CRACD: variants seen among roughly 807,000 people sequenced by gnomAD.
CRACD encodes capping protein-inhibiting regulator of actin dynamics.
A neutral mutation model predicts 106.8 loss-of-function variants in CRACD; 56 were observed. The observed-to-expected ratio is 0.52, with a 90% CI of 0.42 to 0.66. CRACD has a LOEUF of 0.66. Ranked by LOEUF, CRACD falls within the 30% of genes least tolerant of loss-of-function variation. The pLI, the probability that CRACD is intolerant of heterozygous loss-of-function variation, is 0.00. For synonymous variants in CRACD, 754 were observed against 670.8 expected, an observed-to-expected ratio of 1.12 and a Z score of -1.92; for missense variants, 1,730 against 1,623.2, an observed-to-expected ratio of 1.07 and a Z score of -1.13.
At chr4:56,133,922 C>T (rs183223531) in intron 1 of CRACD, among the ~76,000 whole-genome samples, 443 of 152,180 alleles carry the variant, frequency 2.9e-3, no homozygotes, top group Non-Finnish European at 4.4e-3. Flanking sequence ...ATCAGCTTGG[C>T]GGGGCGGGGT....
chr4:56,068,171 A>G (rs764389752), intron 1 of CRACD, among the ~76,000 whole-genome samples: 3 of 152,176 alleles, frequency 2.0e-5, no homozygotes, highest in Non-Finnish European at 4.4e-5. Flanking sequence ...GGTCAGGAAC[A>G]GCGTCTCTGA....
rs190985563 is a variant in CRACD at position 56,155,707 on chromosome 4, T to C, written c.-335-23577T>C. Among the ~76,000 whole-genome samples the C allele has an allele frequency of 4.9e-3, 745 of 152,292 alleles. 4 individuals are homozygous for C. The highest frequency in any genetic ancestry group is 0.024 in the Middle Eastern group (7 of 294). On this transcript the variant is annotated intron_variant, in intron 1 of 10. Transcript: ENST00000682029. ...TGCAAGAATGAGCACAAGTTTTCGG[T>C]TGAAACATTTGTGTGCATGCTTTCT...
rs73163626 is a variant in CRACD at position 56,283,620 on chromosome 4, A to G, written c.-17+11128A>G. On this transcript the variant is annotated intron_variant, in intron 3 of 10. Coordinates refer to ENST00000682029, the MANE Select transcript of CRACD (RefSeq NM_001393381.1). ...GGTGAGTCAAAGATGTAGGGAACAC[A>G]GCTTCTAGGAGGAGCAGTTACTGGC... Among the ~76,000 whole-genome samples the G allele has an allele frequency of 9.5e-4, 144 of 152,286 alleles. 2 individuals are homozygous for G. The highest frequency in any genetic ancestry group is 3.3e-3 in the African/African-American group (137 of 41,574).
At chr4:56,321,998 G>A (rs1460716942) in intron 8 of CRACD, among the ~76,000 whole-genome samples, 1 of 152,174 alleles carries the variant, frequency 6.6e-6, no homozygotes, top group Non-Finnish European at 1.5e-5. Context: ...CCAGTTGACT[G>A]AGAGCCCTGG....
chr4:56,269,020 T>C (rs1225747812), intron 2 of CRACD, among the ~76,000 whole-genome samples: 1 of 152,220 alleles, frequency 6.6e-6, no homozygotes, highest in East Asian at 1.9e-4. Flanking sequence ...ATATCTCAAT[T>C]GTATTACATG....
At chr4:56,263,864 A>C (rs1199788917) in intron 2 of CRACD, among the ~76,000 whole-genome samples, 1 of 152,156 alleles carries the variant, frequency 6.6e-6, no homozygotes, top group Non-Finnish European at 1.5e-5. Flanking sequence ...GGTCTTGAAG[A>C]ATGAGTAGAA....
At chr4:56,289,977 T>C (rs562176888) in intron 3 of CRACD, among the ~76,000 whole-genome samples, 1 of 152,326 alleles carries the variant, frequency 6.6e-6, no homozygotes, top group East Asian at 1.9e-4. Context: ...TTGGACTCCA[T>C]GAGCACAGAG....
Position 56,315,672 on chromosome 4 carries a change from G to T in CRACD, c.2170G>T (p.Ala724Ser), listed in dbSNP as rs781009296. Reference protein sequence around the residue: ...PVNAKFSIMPAWQKFSDGGTE... With the variant: ...PVNAKFSIMPSWQKFSDGGTE... ...CAATGCAAAGTTCTCTATTATGCCT[G>T]CCTGGCAGAAATTTTCCGATGGTGG... Residue 724 changes from alanine (A) to serine (S), a missense_variant, in exon 8 of 11, where the codon GCC becomes TCC. By Grantham distance (99) the Ala-to-Ser change is moderately conservative. Coordinates refer to ENST00000682029, the MANE Select transcript of CRACD (RefSeq NM_001393381.1). The surrounding 1 kb of genome is among the most constrained non-coding windows in gnomAD (Gnocchi z 4.1). 3 of 1,614,216 alleles carry T rather than the reference G, an allele frequency of 1.9e-6. No homozygotes were observed. The highest frequency in any genetic ancestry group is 1.1e-5 in the South Asian group (1 of 91,084).
chr4:56,067,325 G>A (rs753801095), intron 1 of CRACD, among the ~76,000 whole-genome samples: 40 of 152,320 alleles, frequency 2.6e-4, no homozygotes, highest in Non-Finnish European at 4.4e-4. Flanking sequence ...TCTTGTGGGC[G>A]GCTAGTGCGA....
intron 1 of CRACD, among the ~76,000 whole-genome samples, chr4:56,137,727 C>T (rs1735053652): frequency 6.6e-6 from 1 of 152,198 alleles, no homozygotes; most frequent in Non-Finnish European, 1.5e-5. Context: ...GTGGTGCACG[C>T]CTGTAGTCCC....
chr4:56,122,345 GA>G (rs201279566), intron 1 of CRACD, among the ~76,000 whole-genome samples: 26 of 135,508 alleles, frequency 1.9e-4, no homozygotes, highest in African/African-American at 5.7e-4. Flanking sequence ...ATTCAAAAAA[GA>G]AAAAAAAAGT....
intron 3 of CRACD, among the ~76,000 whole-genome samples, chr4:56,281,359 T>C (rs1241513441): frequency 1.3e-5 from 2 of 152,054 alleles, no homozygotes; most frequent in East Asian, 1.9e-4. Context: ...GCCCCGTCCA[T>C]GAAAAAATTA....
intron 2 of CRACD, among the ~76,000 whole-genome samples, chr4:56,209,873 C>A (rs1275623504): frequency 6.6e-6 from 1 of 152,166 alleles, no homozygotes; most frequent in East Asian, 1.9e-4. Context: ...GGTAGTCACG[C>A]AGCATCCAAG....
intron 1 of CRACD, among the ~76,000 whole-genome samples, chr4:56,083,988 G>A (rs1309179128): frequency 6.6e-6 from 1 of 152,002 alleles, no homozygotes; most frequent in Non-Finnish European, 1.5e-5. Flanking sequence ...AAAAATATAT[G>A]TATGTATTTA....
intron 1 of CRACD, among the ~76,000 whole-genome samples, chr4:56,058,193 C>T (rs931433139): frequency 6.6e-6 from 1 of 152,148 alleles, no homozygotes. Flanking sequence ...CCTCAGCCTC[C>T]TGAGTACCTG....
chr4:56,130,218 C>A (rs186570998), intron 1 of CRACD, among the ~76,000 whole-genome samples: 11 of 151,972 alleles, frequency 7.2e-5, no homozygotes. Context: ...CTATAGCAAG[C>A]CGTAAACTGT....
chr4:56,313,466 C>A, intron 7 of CRACD, 87 bp downstream of exon 7: 1 of 1,202,080 alleles, frequency 8.3e-7, no homozygotes, highest in Non-Finnish European at 1.2e-6. Flanking sequence ...TGGGGTGGAG[C>A]CATGTAAAGA....
chr4:56,289,358 A>G (rs975363488), intron 3 of CRACD, among the ~76,000 whole-genome samples: 1 of 152,196 alleles, frequency 6.6e-6, no homozygotes, highest in Non-Finnish European at 1.5e-5. Context: ...CCACTTGGTA[A>G]TGACAGATTT....
At chr4:56,249,199 A>C (rs1052825556) in intron 2 of CRACD, among the ~76,000 whole-genome samples, 3 of 149,616 alleles carry the variant, frequency 2.0e-5, no homozygotes, top group South Asian at 2.2e-4. Context: ...CAACAGTGTA[A>C]AAGTGTTCCT....
Sources: gnomAD v4.1 joint callset for allele counts (sites outside exome capture counted in the v4.1 genomes callset) on GRCh38, gnomAD v4.1.1 for gene constraint, Gnocchi (gnomAD v3.1) non-coding constraint, MANE v1.5 for transcripts, NCBI Gene and HGNC (gene_info 2026-07-23, HGNC 2026-07-21) for gene names.